The following CARMIL1 variants were observed in gnomAD, a reference collection of about 807,000 sequenced individuals.
CARMIL1 encodes the protein F-actin-uncapping protein LRRC16A.
A neutral mutation model predicts 177.1 loss-of-function variants in CARMIL1; 90 were observed. The observed-to-expected ratio is 0.51, with a 90% CI of 0.43 to 0.61. The LOEUF (loss-of-function observed/expected upper bound fraction) is 0.61, where lower values mean the gene tolerates loss of function less well. CARMIL1 is among the 20% of genes least tolerant of loss of function. CARMIL1 has a pLI of 0.00. For missense variants in CARMIL1, 1,380 were observed against 1,667.0 expected (o/e 0.83, Z 3.00); for synonymous variants, 577 against 606.2 (o/e 0.95, Z 0.71).
chr6:25,370,918 C>G (rs1456151863), intron 2 of CARMIL1, among the ~76,000 whole-genome samples: 2 of 151,938 alleles, frequency 1.3e-5, no homozygotes, highest in Non-Finnish European at 1.5e-5. Context: ...TCTCTCTCCT[C>G]CCCTCCCCTC....
chr6:25,315,660 T>G (rs746272703), intron 2 of CARMIL1, among the ~76,000 whole-genome samples: 45 of 152,408 alleles, frequency 3.0e-4, no homozygotes, highest in Non-Finnish European at 4.7e-4. Context: ...AAATGCATTC[T>G]TAGTTTCACA....
intron 2 of CARMIL1, among the ~76,000 whole-genome samples, chr6:25,415,111 G>A (rs1292469965): frequency 1.3e-5 from 2 of 152,080 alleles, no homozygotes; most frequent in African/African-American, 4.8e-5. Flanking sequence ...TTACTCAAAA[G>A]ATGAATCCAT....
intron 11 of CARMIL1, among the ~76,000 whole-genome samples, chr6:25,480,860 A>G (rs2150967494): frequency 6.7e-6 from 1 of 150,042 alleles, no homozygotes; most frequent in Middle Eastern, 3.5e-3. Flanking sequence ...AGTTGGAACT[A>G]CCCGCGCCCG....
rs1444017828 is a variant in CARMIL1, at chr6:25,554,817, A to G, written c.2592+721A>G. Among the ~76,000 whole-genome samples, 1 of 152,184 alleles carries G rather than the reference A, an allele frequency of 6.6e-6. No homozygotes were observed. Among genetic ancestry groups the G allele is most frequent in the Non-Finnish European group, 1.5e-5 (1 of 68,026 alleles). On this transcript the variant is annotated intron_variant, in intron 28 of 36. Transcript: ENST00000329474. The surrounding 1 kb of genome is among the most constrained non-coding windows in gnomAD (Gnocchi z 4.6). ...TTCCTTCAAGAAAAATAATTCTTCA[A>G]TGTTTTCTTAACTGTGCGGGATGGA...
chr6:25,600,353 T>C lies in CARMIL1; in HGVS notation c.3159T>C (p.Asn1053=), dbSNP rs1416021899. The C allele has an allele frequency of 6.2e-7, 1 of 1,613,796 alleles. No individual in the cohort carries two copies. Among genetic ancestry groups the C allele is most frequent in the African/African-American group, 1.3e-5 (1 of 74,896 alleles). ...GAGGCTCAGAGTCCCATGAGCTTAATGAAGGAGGAGATGAAAAGAAAAAGC... is the reference window on the plus strand; with the variant it reads ...GAGGCTCAGAGTCCCATGAGCTTAACGAAGGAGGAGATGAAAAGAAAAAGC... ...STRGSESHEL[N]EGGDEKKKRD... Residue 1053 remains asparagine, a synonymous_variant, in exon 33 of 37, where the codon AAT becomes AAC. Transcript: ENST00000329474.
At chr6:25,355,156 A>G (rs981513543) in intron 2 of CARMIL1, among the ~76,000 whole-genome samples, 1 of 152,312 alleles carries the variant, frequency 6.6e-6, no homozygotes, top group Middle Eastern at 3.4e-3. Flanking sequence ...GGTTTCCTAC[A>G]TAGGACTTTA....
chr6:25,347,495 G>A (rs552048882), intron 2 of CARMIL1, among the ~76,000 whole-genome samples: 36 of 152,264 alleles, frequency 2.4e-4, no homozygotes, highest in African/African-American at 8.7e-4. Context: ...AAGATTCAGA[G>A]CAATTCATAT....
At chr6:25,619,346 C>T in intron 36 of CARMIL1, 101 bp from the exon 37 acceptor site, 1 of 1,225,182 alleles carries the variant, frequency 8.2e-7, no homozygotes. Flanking sequence ...GGCCCCCTCC[C>T]CTCCCCCAAA....
intron 2 of CARMIL1, among the ~76,000 whole-genome samples, chr6:25,330,225 G>A (rs1042351816): frequency 5.9e-5 from 9 of 152,186 alleles, no homozygotes; most frequent in Non-Finnish European, 1.3e-4. Flanking sequence ...ATAGACTGGC[G>A]TTGGCCCAGT....
At chr6:25,570,209 CCGCCT>C (rs1255663381) in intron 29 of CARMIL1, among the ~76,000 whole-genome samples, 2 of 152,200 alleles carry the variant, frequency 1.3e-5, no homozygotes, top group Admixed American at 1.3e-4. Context: ...CGTGATCTGC[CCGCCT>C]CGGCCTCCCA....
intron 2 of CARMIL1, among the ~76,000 whole-genome samples, chr6:25,382,332 A>T (rs1458183310): frequency 6.6e-6 from 1 of 152,128 alleles, no homozygotes; most frequent in African/African-American, 2.4e-5. Flanking sequence ...TCCTGACTCC[A>T]GTTGTGTCCG....
chr6:25,336,801 TGTTAA>T (rs1260186565), intron 2 of CARMIL1, among the ~76,000 whole-genome samples: 1 of 152,214 alleles, frequency 6.6e-6, no homozygotes, highest in Admixed American at 6.5e-5. Flanking sequence ...TTTTAGTGTT[TGTTAA>T]GTTATGCCCT....
chr6:25,293,100 C>CTT (rs200809173), intron 2 of CARMIL1, among the ~76,000 whole-genome samples: 82 of 143,836 alleles, frequency 5.7e-4, no homozygotes, highest in African/African-American at 1.9e-3. Context: ...TTCTAAAATG[C>CTT]TTTTTTTTTT....
chr6:25,469,707 G>A (rs1186880541), intron 9 of CARMIL1, among the ~76,000 whole-genome samples: 3 of 152,012 alleles, frequency 2.0e-5, no homozygotes, highest in South Asian at 2.1e-4. Context: ...GCAGGCGTGC[G>A]CAGTCTGGGA....
intron 3 of CARMIL1, chr6:25,420,511 C>G (rs1795757584): frequency 5.0e-6 from 1 of 200,888 alleles, no homozygotes; most frequent in Non-Finnish European, 1.0e-5. Context: ...TTTTCTCTCT[C>G]AACTGGGGCT....
chr6:25,347,744 A>G (rs558022466), intron 2 of CARMIL1, among the ~76,000 whole-genome samples: 1 of 152,370 alleles, frequency 6.6e-6, no homozygotes, highest in African/African-American at 2.4e-5. Context: ...TGAGAAATCA[A>G]CAGTAATACA....
intron 36 of CARMIL1, among the ~76,000 whole-genome samples, chr6:25,618,265 T>G (rs2151357985): frequency 6.6e-6 from 1 of 152,134 alleles, no homozygotes; most frequent in Middle Eastern, 3.4e-3. Context: ...GATAAGTTTT[T>G]TTTTTTTTTA....
chr6:25,596,076 A>C (rs150519440), intron 32 of CARMIL1, among the ~76,000 whole-genome samples: 1 of 152,202 alleles, frequency 6.6e-6, no homozygotes, highest in Non-Finnish European at 1.5e-5. Context: ...CGAACTGTAC[A>C]TATTGTTATA....
At chr6:25,287,923 C>A (rs2150135329) in intron 2 of CARMIL1, among the ~76,000 whole-genome samples, 1 of 152,312 alleles carries the variant, frequency 6.6e-6, no homozygotes, top group East Asian at 1.9e-4. Flanking sequence ...TTATTGAGAA[C>A]CTGCTGTGTC....
Sources: gnomAD v4.1 joint callset for allele counts (sites outside exome capture counted in the v4.1 genomes callset) on GRCh38, gnomAD v4.1.1 for gene constraint, Gnocchi (gnomAD v3.1) non-coding constraint, MANE v1.5 for transcripts, NCBI Gene and HGNC (gene_info 2026-07-23, HGNC 2026-07-21) for gene names.